The following DTNB variants were observed in gnomAD, a reference collection of about 807,000 sequenced individuals.
The protein encoded by DTNB is DTN-B.
DTNB carries 63 observed loss-of-function variants against 90.7 expected under a neutral mutation model. The observed-to-expected ratio is 0.69, with a 90% confidence interval of 0.57 to 0.86. DTNB has a LOEUF of 0.86. DTNB is among the 40% of genes least tolerant of loss of function. DTNB has a pLI of 0.00. For missense variants in DTNB, 744 were observed against 807.1 expected (o/e 0.92, Z 0.95); for synonymous variants, 277 against 286.7 (o/e 0.97, Z 0.34).
chr2:25,539,771 T>C (rs2080761213), intron 8 of DTNB, among the ~76,000 whole-genome samples: 1 of 152,130 alleles, frequency 6.6e-6, no homozygotes, highest in African/African-American at 2.4e-5. Flanking sequence ...GTTCTTTTTG[T>C]ACCTTAAGAA....
rs189262309 is a variant in DTNB, at chr2:25,513,789, C to A, written c.1001+17684G>T. 2.7e-5 allele frequency among the ~76,000 whole-genome samples: 4 copies of A among 150,364 alleles called. No homozygotes were observed. In the East Asian group the frequency reaches 7.8e-4, roughly 29 times the overall value. On this transcript the variant is annotated intron_variant, in intron 9 of 20. Coordinates refer to ENST00000406818, the MANE Select transcript of DTNB (RefSeq NM_021907.5). ...AAAACCCCACAAGAAATAAAGCCTG[C>A]CTCATTCTGACACACTGATATCATT...
At chr2:25,471,328 C>T (rs181332972) in intron 10 of DTNB, among the ~76,000 whole-genome samples, 148 of 151,408 alleles carry the variant, frequency 9.8e-4, no homozygotes, top group Middle Eastern at 3.8e-3. Flanking sequence ...AAGTAGCAGT[C>T]GTGATGCTAT....
Position 25,634,766 on chromosome 2 carries a change from T to G in DTNB, c.148+4248A>C, listed in dbSNP as rs188300537. On this transcript the variant is annotated intron_variant, in intron 3 of 20. Transcript: ENST00000406818. ...TGATTGGTGACCTTACCCCCAACCC[T>G]GTGCTCTCTGAAACATGTGCTGTGT... Among the ~76,000 whole-genome samples, 7 of 114,800 alleles carry G rather than the reference T, an allele frequency of 6.1e-5. 1 individual carries two copies. In the South Asian group the frequency reaches 2.0e-3, roughly 33 times the overall value. 75.3% of individuals were successfully genotyped at this position (114,800 alleles called of 152,430 possible).
chr2:25,630,769 G>C (rs1198495278), intron 3 of DTNB, among the ~76,000 whole-genome samples: 2 of 150,208 alleles, frequency 1.3e-5, no homozygotes, highest in Non-Finnish European at 3.0e-5. Flanking sequence ...GCTTAAACCT[G>C]GGAGGCGGAG....
chr2:25,573,380 G>GT (rs1302595919), intron 8 of DTNB, among the ~76,000 whole-genome samples: 2 of 152,184 alleles, frequency 1.3e-5, no homozygotes, highest in East Asian at 3.8e-4. Context: ...CCCTTCATCT[G>GT]ATCTTTACCA....
At position 25,450,878 on chromosome 2, in the gene DTNB, AC is replaced by A. The variant is rs547305365; in HGVS notation, c.1257+669del. Among the ~76,000 whole-genome samples the A allele has an allele frequency of 4.6e-5, 7 of 152,210 alleles. No individual in the cohort carries two copies. In the East Asian group the frequency reaches 1.3e-3, roughly 29 times the overall value. ...GAGTGCAGTGGAACAATCATGGCTCACTGCAGCCTTGACCTCCCCGGGCTCA... is the reference window on the plus strand; with the variant it reads ...GAGTGCAGTGGAACAATCATGGCTCATGCAGCCTTGACCTCCCCGGGCTCA... On this transcript the variant is annotated intron_variant, in intron 12 of 20. Transcript: ENST00000406818.
At chr2:25,574,785 C>T (rs1476610118) in intron 8 of DTNB, among the ~76,000 whole-genome samples, 4 of 152,038 alleles carry the variant, frequency 2.6e-5, no homozygotes, top group Non-Finnish European at 4.4e-5. Context: ...GATAACAATG[C>T]TTATTTTTAA....
chr2:25,449,627 G>T (rs2058967757), intron 12 of DTNB, among the ~76,000 whole-genome samples: 1 of 152,028 alleles, frequency 6.6e-6, no homozygotes, highest in Admixed American at 6.6e-5. Context: ...TGGAATATCT[G>T]TTCAAGTCTT....
At chr2:25,576,795 C>T in intron 8 of DTNB, 43 bp downstream of exon 8, 2 of 1,551,890 alleles carry the variant, frequency 1.3e-6, no homozygotes, top group Non-Finnish European at 1.7e-6. Context: ...ACTGATCAAA[C>T]AGATTAACAC....
intron 9 of DTNB, among the ~76,000 whole-genome samples, chr2:25,488,484 T>C (rs779377784): frequency 6.6e-6 from 1 of 151,970 alleles, no homozygotes; most frequent in Non-Finnish European, 1.5e-5. Flanking sequence ...AATTGTTGGG[T>C]TTGAAGTACC....
chr2:25,633,505 G>A (rs541545542), intron 3 of DTNB, among the ~76,000 whole-genome samples: 1,592 of 152,104 alleles, frequency 0.01, 13 homozygotes, highest in Non-Finnish European at 0.017. Context: ...GCGTGATCTC[G>A]GCTCGCTACA....
At chr2:25,514,001 GAAA>G (rs35960444) in intron 9 of DTNB, among the ~76,000 whole-genome samples, 4 of 126,974 alleles carry the variant, frequency 3.2e-5, no homozygotes, top group Admixed American at 7.9e-5. Flanking sequence ...GTTTGGTGGG[GAAA>G]AAAAAAAAAA....
chr2:25,669,597 G>A (rs2085339269), intron 1 of DTNB, among the ~76,000 whole-genome samples: 1 of 152,140 alleles, frequency 6.6e-6, no homozygotes, highest in African/African-American at 2.4e-5. Context: ...GGGCTGGCAG[G>A]ATGCATTTGC....
At chr2:25,494,534 A>C (rs962136100) in intron 9 of DTNB, among the ~76,000 whole-genome samples, 14 of 152,154 alleles carry the variant, frequency 9.2e-5, no homozygotes, top group Admixed American at 7.9e-4. Context: ...CCATAACTAA[A>C]TACTAACTAA....
intron 9 of DTNB, among the ~76,000 whole-genome samples, chr2:25,525,918 G>A (rs2077001513): frequency 6.6e-6 from 1 of 151,946 alleles, no homozygotes; most frequent in South Asian, 2.1e-4. Flanking sequence ...TGGATAAGAA[G>A]CAGCAAATTC....
At chr2:25,527,112 T>C (rs60935603) in intron 9 of DTNB, among the ~76,000 whole-genome samples, 2,054 of 152,250 alleles carry the variant, frequency 0.013, 50 homozygotes, top group African/African-American at 0.046. Context: ...ACAGTAAAAC[T>C]TGGGTAATAC....
At chr2:25,555,876 A>T (rs1162668762) in intron 8 of DTNB, among the ~76,000 whole-genome samples, 2 of 151,802 alleles carry the variant, frequency 1.3e-5, no homozygotes, top group African/African-American at 4.8e-5. Context: ...AAGAATTAGC[A>T]GGGCATGGTG....
intron 4 of DTNB, among the ~76,000 whole-genome samples, chr2:25,612,954 A>C (rs2069042666): frequency 6.6e-6 from 1 of 152,180 alleles, no homozygotes; most frequent in Non-Finnish European, 1.5e-5. Flanking sequence ...AAAGCTCCTC[A>C]TTCTGAAGGC....
intron 4 of DTNB, among the ~76,000 whole-genome samples, chr2:25,616,272 A>G (rs950706762): frequency 6.6e-6 from 1 of 152,144 alleles, no homozygotes. Flanking sequence ...ATCCATAAAC[A>G]TTACACAATG....
Sources: gnomAD v4.1 joint callset for allele counts (sites outside exome capture counted in the v4.1 genomes callset) on GRCh38, gnomAD v4.1.1 for gene constraint, MANE v1.5 for transcripts, NCBI Gene and HGNC (gene_info 2026-07-23, HGNC 2026-07-21) for gene names.